Variants in RELL1 observed in about 807,000 individuals in gnomAD.
RELL1 encodes the protein RELT-like protein 1.
RELL1 carries 10 observed loss-of-function variants against 23.0 expected under a neutral mutation model. The observed-to-expected ratio is 0.43, with a 90% CI of 0.27 to 0.74. The LOEUF is 0.74. Ranked by LOEUF, RELL1 falls within the 30% of genes least tolerant of loss-of-function variation. The pLI is 0.19. For missense variants in RELL1, 315 were observed against 364.4 expected, an observed-to-expected ratio of 0.86 and a Z score of 1.10; for synonymous variants, 146 against 146.8, an observed-to-expected ratio of 0.99 and a Z score of 0.04.
At chr4:37,655,184 C>T (rs551590995) in intron 1 of RELL1, among the ~76,000 whole-genome samples, 5 of 152,074 alleles carry the variant, frequency 3.3e-5, no homozygotes, top group East Asian at 1.9e-4. Flanking sequence ...ATAAAAATGA[C>T]GTCCAAGTTT....
chr4:37,622,415 A>G (rs1409901570), intron 6 of RELL1, among the ~76,000 whole-genome samples: 1 of 152,244 alleles, frequency 6.6e-6, no homozygotes, highest in Non-Finnish European at 1.5e-5. Flanking sequence ...AAATGGAGCA[A>G]AGATTTATTT....
At chr4:37,623,532 T>G (rs899679882) in intron 6 of RELL1, 1 of 152,204 alleles carries the variant, frequency 6.6e-6, no homozygotes. Context: ...AATAGGATAT[T>G]ATTACCTACA....
chr4:37,665,233 C>A (rs766951046), intron 1 of RELL1: 31 of 456,052 alleles, frequency 6.8e-5, no homozygotes, highest in Non-Finnish European at 1.3e-4. Context: ...ACAGTTTTTA[C>A]AAACATAAAT....
chr4:37,601,335 G>A (rs1163878785), intron 6 of RELL1, among the ~76,000 whole-genome samples: 2 of 152,220 alleles, frequency 1.3e-5, no homozygotes, highest in Non-Finnish European at 2.9e-5. Flanking sequence ...AGATTGTTCT[G>A]TTTCATCTGA....
At chr4:37,676,994 C>T (rs1228892375) in intron 1 of RELL1, among the ~76,000 whole-genome samples, 3 of 152,206 alleles carry the variant, frequency 2.0e-5, no homozygotes, top group Non-Finnish European at 4.4e-5. Context: ...CTCCTGACTC[C>T]TACAGGACAC....
chr4:37,650,264 A>G (rs1197691329), intron 1 of RELL1, among the ~76,000 whole-genome samples: 1 of 152,212 alleles, frequency 6.6e-6, no homozygotes, highest in Non-Finnish European at 1.5e-5. Context: ...AGTATGAAGA[A>G]GAGGGAAAAG....
At chr4:37,652,276 A>G (rs983109349) in intron 1 of RELL1, among the ~76,000 whole-genome samples, 7 of 152,332 alleles carry the variant, frequency 4.6e-5, no homozygotes, top group African/African-American at 1.7e-4. Flanking sequence ...AAGAGGTTGC[A>G]TTCATTACTT....
At chr4:37,641,736 C>T (rs1052985992) in intron 3 of RELL1, among the ~76,000 whole-genome samples, 1 of 152,214 alleles carries the variant, frequency 6.6e-6, no homozygotes, top group African/African-American at 2.4e-5. Flanking sequence ...AAAATGTCTT[C>T]TGTCTCTCCC....
chr4:37,613,553 T>G (rs929209136), intron 6 of RELL1, among the ~76,000 whole-genome samples: 3 of 152,112 alleles, frequency 2.0e-5, no homozygotes, highest in African/African-American at 7.2e-5. Flanking sequence ...TTCCAAGAGT[T>G]CTCTCGAGAT....
At chr4:37,588,816 G>T (rs1718444057), downstream of RELL1, 3 of 1,516,626 alleles carry the variant, frequency 2.0e-6, no homozygotes, top group South Asian at 2.2e-5. Context: ...CACTCACTGT[G>T]TTCTCTACCT....
intron 3 of RELL1, among the ~76,000 whole-genome samples, chr4:37,642,360 C>A (rs1720559135): frequency 1.3e-5 from 2 of 152,188 alleles, no homozygotes; most frequent in Admixed American, 1.3e-4. Context: ...AGGAACTCAG[C>A]TACAGACTCC....
intron 6 of RELL1, among the ~76,000 whole-genome samples, chr4:37,600,537 A>G (rs1718988491): frequency 6.6e-6 from 1 of 152,168 alleles, no homozygotes; most frequent in South Asian, 2.1e-4. Flanking sequence ...TATCTTCATC[A>G]TTTAACAATT....
chr4:37,608,114 C>A (rs1385985067), downstream of RELL1, among the ~76,000 whole-genome samples: 1 of 152,160 alleles, frequency 6.6e-6, no homozygotes, highest in East Asian at 1.9e-4. Flanking sequence ...TGTGTTCCAA[C>A]TGCCCGACCA....
At chr4:37,672,165 C>T (rs1463115195) in intron 1 of RELL1, among the ~76,000 whole-genome samples, 2 of 152,114 alleles carry the variant, frequency 1.3e-5, no homozygotes, top group Non-Finnish European at 2.9e-5. Context: ...TGAACCCAAT[C>T]TCCAGCCCCT....
intron 6 of RELL1, among the ~76,000 whole-genome samples, chr4:37,629,114 C>T (rs768528118): frequency 1.3e-5 from 2 of 152,156 alleles, no homozygotes; most frequent in African/African-American, 4.8e-5. Flanking sequence ...AGTTCCTAAT[C>T]GAGGGCAAGC....
intron 3 of RELL1, among the ~76,000 whole-genome samples, chr4:37,639,064 A>C (rs1017124695): frequency 6.6e-6 from 1 of 152,178 alleles, no homozygotes; most frequent in East Asian, 1.9e-4. Context: ...GGATCATATA[A>C]GCCCTTGACT....
At chr4:37,631,943 G>A (rs1051687631) in intron 5 of RELL1, among the ~76,000 whole-genome samples, 1 of 151,736 alleles carries the variant, frequency 6.6e-6, no homozygotes, top group African/African-American at 2.4e-5. Context: ...GCCAGGTGTG[G>A]TGGTGTGCAC....
At chr4:37,608,595 G>GA (rs1377637067), downstream of RELL1, among the ~76,000 whole-genome samples, 3 of 151,364 alleles carry the variant, frequency 2.0e-5, no homozygotes, top group African/African-American at 4.8e-5. Context: ...GGAAGCTGCA[G>GA]AAAAAAGGTT....
chr4:37,640,231 G>A (rs1720480235), intron 3 of RELL1, among the ~76,000 whole-genome samples: 1 of 152,158 alleles, frequency 6.6e-6, no homozygotes, highest in African/African-American at 2.4e-5. Context: ...ACAACTATCT[G>A]TGGATGTCCA....
Sources: allele counts gnomAD v4.1 joint callset (sites outside exome capture counted in the v4.1 genomes callset), GRCh38; gene constraint gnomAD v4.1.1; transcripts MANE v1.5; gene names NCBI Gene and HGNC (gene_info 2026-07-23, HGNC 2026-07-21).